TUSC3: variants seen among roughly 807,000 people sequenced by gnomAD.
TUSC3 encodes dolichyl-diphosphooligosaccharide--protein glycosyltransferase subunit TUSC3.
A neutral mutation model predicts 44.8 loss-of-function variants in TUSC3; 45 were observed. That is an observed-to-expected ratio of 1.00 (90% CI 0.79 to 1.29). The LOEUF (loss-of-function observed/expected upper bound fraction) is 1.29, where lower values mean the gene tolerates loss of function less well. Among genes scored for constraint, TUSC3 ranks in the 50% most tolerant of loss-of-function variants. TUSC3 has a pLI of 0.00. For missense variants in TUSC3, 519 were observed against 437.9 expected (o/e 1.19, Z -1.65); for synonymous variants, 212 against 152.9 (o/e 1.39, Z -2.85).
intron 3 of TUSC3, among the ~76,000 whole-genome samples, chr8:15,655,114 A>C (rs956613183): frequency 6.6e-6 from 1 of 152,174 alleles, no homozygotes. Flanking sequence ...ATGTCAGGTG[A>C]CCATCATGTG....
chr8:15,770,915 T>A (rs945234436), downstream of TUSC3, among the ~76,000 whole-genome samples: 8 of 152,166 alleles, frequency 5.3e-5, no homozygotes, highest in African/African-American at 1.9e-4. Flanking sequence ...TCCAAGAAGT[T>A]CCAACAAATT....
At chr8:15,540,674 G>GGGCGATGCCGGCGCT in intron 1 of TUSC3, 106 bp downstream of exon 1, 2 of 1,393,124 alleles carry the variant, frequency 1.4e-6, no homozygotes, top group Admixed American at 5.8e-5. Context: ...TCGCCGGCGT[G>GGGCGATGCCGGCGCT]GGCGATGCCG....
chr8:15,732,166 T>G (rs1322638883), intron 7 of TUSC3, among the ~76,000 whole-genome samples: 1 of 152,170 alleles, frequency 6.6e-6, no homozygotes, highest in Non-Finnish European at 1.5e-5. Flanking sequence ...TAAGCATAAA[T>G]ACGTATATAT....
chr8:15,582,258 T>A (rs1362364962), intron 1 of TUSC3, among the ~76,000 whole-genome samples: 1 of 152,162 alleles, frequency 6.6e-6, no homozygotes, highest in Non-Finnish European at 1.5e-5. Flanking sequence ...AATGCAGAAA[T>A]CACCCGTCTT....
chr8:15,523,323 C>G (rs138978550), intron 2 of TUSC3, among the ~76,000 whole-genome samples: 1 of 152,170 alleles, frequency 6.6e-6, no homozygotes, highest in Non-Finnish European at 1.5e-5. Context: ...AGAAGCGGCA[C>G]AGGGATCTCT....
At chr8:15,568,601 A>G (rs560269709) in intron 1 of TUSC3, among the ~76,000 whole-genome samples, 1 of 151,760 alleles carries the variant, frequency 6.6e-6, no homozygotes, top group South Asian at 2.1e-4. Flanking sequence ...AAAATACACA[A>G]ATTCTTTTTT....
chr8:15,662,397 T>G (rs1563160251), intron 5 of TUSC3, 101 bp downstream of exon 5: 1 of 1,515,882 alleles, frequency 6.6e-7, no homozygotes, highest in African/African-American at 1.4e-5. Flanking sequence ...ATAATAGAAC[T>G]TAAGTCTGAA....
At chr8:15,460,400 C>T (rs569192137) in intron 1 of TUSC3, among the ~76,000 whole-genome samples, 7 of 151,730 alleles carry the variant, frequency 4.6e-5, no homozygotes, top group Non-Finnish European at 8.9e-5. Flanking sequence ...GTTTTTTTAT[C>T]GCTGATTTAA....
intron 1 of TUSC3, among the ~76,000 whole-genome samples, chr8:15,591,553 C>A (rs1206729999): frequency 6.6e-6 from 1 of 152,158 alleles, no homozygotes; most frequent in Non-Finnish European, 1.5e-5. Flanking sequence ...AGCGAGTAAG[C>A]ATACAGTTAA....
At chr8:15,843,129 C>G in the TUSC3 span, among the ~76,000 whole-genome samples, 2 of 152,132 alleles carry the variant, frequency 1.3e-5, no homozygotes, top group Non-Finnish European at 1.5e-5. Flanking sequence ...TGATCTCTTC[C>G]TTTTCTTTCC....
intron 10 of TUSC3, among the ~76,000 whole-genome samples, chr8:15,761,143 T>TG (rs1435542173): frequency 2.0e-5 from 3 of 152,166 alleles, no homozygotes; most frequent in Admixed American, 6.5e-5. Flanking sequence ...AGCTAACACT[T>TG]GCGTGTTTCT....
intron 1 of TUSC3, among the ~76,000 whole-genome samples, chr8:15,545,666 T>TGCCC (rs1231087561): frequency 6.6e-6 from 1 of 151,646 alleles, no homozygotes; most frequent in African/African-American, 2.4e-5. Context: ...CACCAGCATG[T>TGCCC]TTAGTCCCAT....
intron 1 of TUSC3, among the ~76,000 whole-genome samples, chr8:15,448,043 C>G (rs1800130366): frequency 6.7e-6 from 1 of 148,430 alleles, no homozygotes; most frequent in Admixed American, 6.7e-5. Flanking sequence ...GCTACCGTAT[C>G]ACACAGCACA....
chr8:15,513,477 A>G (rs749432907), intron 2 of TUSC3, among the ~76,000 whole-genome samples: 1 of 152,178 alleles, frequency 6.6e-6, no homozygotes, highest in African/African-American at 2.4e-5. Flanking sequence ...TTAATACAAG[A>G]TTATATTCAA....
the TUSC3 span, among the ~76,000 whole-genome samples, chr8:15,845,062 C>G: frequency 2.6e-5 from 4 of 152,262 alleles, no homozygotes; most frequent in Admixed American, 1.3e-4. Flanking sequence ...TAAAAAATCT[C>G]TTTTAGTTCA....
chr8:15,831,750 A>T, the TUSC3 span, among the ~76,000 whole-genome samples: 1 of 152,206 alleles, frequency 6.6e-6, no homozygotes, highest in East Asian at 1.9e-4. Flanking sequence ...GAGAAAAAAG[A>T]ATGAAAAGGG....
intron 6 of TUSC3, among the ~76,000 whole-genome samples, chr8:15,720,589 G>T (rs1323372234): frequency 1.3e-5 from 2 of 152,096 alleles, no homozygotes; most frequent in African/African-American, 4.8e-5. Flanking sequence ...TTTAGAAGCA[G>T]TGACTTTCCA....
intron 8 of TUSC3, 23 bp from the exon 9 acceptor site, chr8:15,748,352 T>C (rs1811513582): frequency 5.2e-6 from 8 of 1,549,814 alleles, no homozygotes; most frequent in Non-Finnish European, 5.3e-6. Context: ...TAGACACTAA[T>C]GGTATTTTCT....
chr8:15,423,708 T>A (rs560897651), intron 1 of TUSC3, among the ~76,000 whole-genome samples: 21 of 152,218 alleles, frequency 1.4e-4, no homozygotes, highest in African/African-American at 5.1e-4. Context: ...GAGTGGGCTT[T>A]CTCCAAGTGA....
Sources: gnomAD v4.1 joint callset for allele counts (sites outside exome capture counted in the v4.1 genomes callset) on GRCh38, gnomAD v4.1.1 for gene constraint, MANE v1.5 for transcripts, NCBI Gene and HGNC (gene_info 2026-07-23, HGNC 2026-07-21) for gene names.